Variants in CWF19L1 observed in about 807,000 individuals in gnomAD.
The protein encoded by CWF19L1 is CWF19 like cell cycle control factor 1.
A neutral mutation model predicts 69.7 loss-of-function variants in CWF19L1; 60 were observed. The observed-to-expected ratio is 0.86, with a 90% CI of 0.70 to 1.07. The LOEUF (loss-of-function observed/expected upper bound fraction) is 1.07. Ranked by LOEUF, CWF19L1 falls within the 50% of genes least tolerant of loss-of-function variation. The probability of loss-of-function intolerance (pLI) is 0.00; values close to 1 mark genes in which losing one functional copy is unlikely to be tolerated. For synonymous variants in CWF19L1, 209 were observed against 222.2 expected, an observed-to-expected ratio of 0.94 and a Z score of 0.53; for missense variants, 591 against 638.9, an observed-to-expected ratio of 0.92 and a Z score of 0.81.
At position 100,246,907 on chromosome 10, in the gene CWF19L1, A is replaced by G. The variant is rs773621877; in HGVS notation, c.737T>C (p.Met246Thr). ...KYLYAFSIVPMKLMDAAELVK... is the reference protein window; with the variant it reads ...KYLYAFSIVPTKLMDAAELVK... ...CAGTTCTGCTGCATCCATTAGCTTCATGGGAACAATACTGAACGCGTAAAG... is the reference window on the plus strand; with the variant it reads ...CAGTTCTGCTGCATCCATTAGCTTCGTGGGAACAATACTGAACGCGTAAAG... The change falls in exon 8 of 14, where the codon ATG becomes ACG. Residue 246 changes from methionine (M) to threonine (T), a missense_variant. Physicochemically the swap from Met to Thr is moderately conservative, Grantham distance 81 (BLOSUM62 -1). Coordinates refer to ENST00000354105, the MANE Select transcript of CWF19L1 (RefSeq NM_018294.6). 103 of 1,613,520 alleles carry G rather than the reference A, an allele frequency of 6.4e-5. No homozygotes were observed. Among genetic ancestry groups the G allele is most frequent in the Non-Finnish European group, 8.1e-5 (96 of 1,179,662 alleles).
chr10:100,236,720 A>G, intron 12 of CWF19L1, 130 bp downstream of exon 12: 1 of 1,123,574 alleles, frequency 8.9e-7, no homozygotes, highest in Non-Finnish European at 1.2e-6. Flanking sequence ...CAGTGAGCCA[A>G]GATCATGCCA....
chr10:100,262,245 C>T (rs1847428253), intron 1 of CWF19L1, 182 bp from the exon 2 acceptor site: 1 of 985,328 alleles, frequency 1.0e-6, no homozygotes, highest in Admixed American at 6.1e-5. Context: ...ACACCTCCCA[C>T]TCGCCGTATC....
At chr10:100,251,852 G>A (rs757605687) in intron 6 of CWF19L1, among the ~76,000 whole-genome samples, 3 of 152,048 alleles carry the variant, frequency 2.0e-5, no homozygotes, top group Non-Finnish European at 2.9e-5. Flanking sequence ...ACTGTATTCC[G>A]ATTCTTAAGA....
chr10:100,260,904 A>T, intron 3 of CWF19L1, 62 bp downstream of exon 3: 1 of 1,021,410 alleles, frequency 9.8e-7, no homozygotes, highest in South Asian at 1.5e-5. Flanking sequence ...ACAACTCTGC[A>T]AGAACTCTGG....
intron 5 of CWF19L1, among the ~76,000 whole-genome samples, chr10:100,255,283 C>CCAAGGCGGGTGGATCACTAGAGCG (rs1847171207): frequency 1.3e-5 from 2 of 152,168 alleles, no homozygotes; most frequent in Non-Finnish European, 2.9e-5. Flanking sequence ...CTTTGGGAGG[C>CCAAGGCGGGTGGATCACTAGAGCG]CAAGGCGGGT....
intron 8 of CWF19L1, among the ~76,000 whole-genome samples, chr10:100,246,289 G>A (rs1266686471): frequency 6.6e-6 from 1 of 152,216 alleles, no homozygotes; most frequent in Non-Finnish European, 1.5e-5. Context: ...CTTAAGAGAT[G>A]AGAAGGCTGC....
chr10:100,242,015 A>G (rs1846653999), intron 10 of CWF19L1, among the ~76,000 whole-genome samples: 1 of 152,220 alleles, frequency 6.6e-6, no homozygotes, highest in Non-Finnish European at 1.5e-5. Flanking sequence ...AATGGTCTAC[A>G]GAAAACCCAG....
At position 100,267,615 on chromosome 10, in the gene CWF19L1, C is replaced by T. The variant is rs373333865; in HGVS notation, c.-22G>A. 31 of 1,613,954 alleles carry T rather than the reference C, an allele frequency of 1.9e-5. No homozygotes were observed. The African/African-American group carries it at 3.5e-4, about 18-fold the overall frequency. ...CCATCTGTCCGAATAGTATGGGTTGCGACTGCCACCTAAAATTGGGAATGC... is the reference window on the plus strand; with the variant it reads ...CCATCTGTCCGAATAGTATGGGTTGTGACTGCCACCTAAAATTGGGAATGC... On this transcript the variant is annotated 5_prime_UTR_variant, in exon 1 of 14. Coordinates refer to ENST00000354105, the MANE Select transcript of CWF19L1 (RefSeq NM_018294.6).
chr10:100,233,962 G>A (rs918330785), intron 13 of CWF19L1: 4 of 152,132 alleles, frequency 2.6e-5, no homozygotes, highest in Non-Finnish European at 5.9e-5. Flanking sequence ...GGGGACTCAG[G>A]CCCACGTAAC....
chr10:100,264,777 T>A lies in CWF19L1; in HGVS notation c.24-2714A>T, dbSNP rs1238486247. ...AGGTGAACAGCAGTGATACTGATGA[T>A]CCTGACCCTGTGTAGGCCTAGACTC... On this transcript the variant is annotated intron_variant, in intron 1 of 13. Coordinates refer to ENST00000354105, the MANE Select transcript of CWF19L1 (RefSeq NM_018294.6). Among the ~76,000 whole-genome samples, 7 of 152,112 alleles carry A rather than the reference T, an allele frequency of 4.6e-5. No homozygotes were observed. In the South Asian group the frequency reaches 6.2e-4, roughly 14 times the overall value.
chr10:100,259,547 C>T (rs892159609), intron 4 of CWF19L1, among the ~76,000 whole-genome samples: 1 of 152,154 alleles, frequency 6.6e-6, no homozygotes, highest in African/African-American at 2.4e-5. Context: ...GGTAAAGCCA[C>T]ATACATGAAA....
At chr10:100,255,762 C>CAA (rs11428759) in intron 5 of CWF19L1, among the ~76,000 whole-genome samples, 12,448 of 117,964 alleles carry the variant, frequency 0.11, 1,458 homozygotes, top group African/African-American at 0.3. Flanking sequence ...AACTCCATCT[C>CAA]AAAAAAAAAA....
At chr10:100,257,524 T>C (rs1847255813) in intron 4 of CWF19L1, among the ~76,000 whole-genome samples, 2 of 151,972 alleles carry the variant, frequency 1.3e-5, no homozygotes, top group African/African-American at 4.8e-5. Flanking sequence ...GGTCTCAACC[T>C]CTTGACCTCG....
At chr10:100,267,323 G>A (rs1847633438) in intron 1 of CWF19L1, 2 of 533,650 alleles carry the variant, frequency 3.7e-6, no homozygotes, top group Non-Finnish European at 4.8e-6. Flanking sequence ...AGATGGAGGA[G>A]GCCTAACTCT....
At chr10:100,252,064 G>A (rs1320549448) in intron 6 of CWF19L1, among the ~76,000 whole-genome samples, 3 of 152,180 alleles carry the variant, frequency 2.0e-5, no homozygotes, top group South Asian at 2.1e-4. Context: ...CTAGCAACAC[G>A]TAAATATTAC....
intron 6 of CWF19L1, 30 bp downstream of exon 6, chr10:100,253,391 A>G (rs1462256531): frequency 1.5e-6 from 2 of 1,339,576 alleles, no homozygotes; most frequent in Non-Finnish European, 2.1e-6. Context: ...AAATTCTTCA[A>G]AAAGCCAAGA....
chr10:100,251,063 T>C (rs1564857235), intron 6 of CWF19L1, among the ~76,000 whole-genome samples: 2 of 152,324 alleles, frequency 1.3e-5, no homozygotes, highest in Middle Eastern at 3.4e-3. Context: ...CTTCATTGCT[T>C]TTCCTTGCCA....
chr10:100,240,382 A>T (rs1846600354), intron 10 of CWF19L1, among the ~76,000 whole-genome samples: 1 of 152,190 alleles, frequency 6.6e-6, no homozygotes, highest in Non-Finnish European at 1.5e-5. Flanking sequence ...AAAAAGAATA[A>T]TTGCAGGGAG....
chr10:100,246,949 G>T lies in CWF19L1; in HGVS notation c.709-14C>A, dbSNP rs761526846. 1.3e-6 allele frequency: 2 copies of T among 1,588,836 alleles called. No individual in the cohort carries two copies. Among genetic ancestry groups the T allele is most frequent in the African/African-American group, 2.7e-5 (2 of 74,434 alleles). ...CGCGTAAAGATACTTTAGAGAAAAAGAACATAATGACATTAGGGGAAATAC... is the reference window on the plus strand; with the variant it reads ...CGCGTAAAGATACTTTAGAGAAAAATAACATAATGACATTAGGGGAAATAC... On this transcript the variant is annotated splice_polypyrimidine_tract_variant and intron_variant, in intron 7 of 13. Transcript: ENST00000354105.
Sources: allele counts gnomAD v4.1 joint callset (sites outside exome capture counted in the v4.1 genomes callset), GRCh38; gene constraint gnomAD v4.1.1; transcripts MANE v1.5; gene names NCBI Gene and HGNC (gene_info 2026-07-23, HGNC 2026-07-21).